The following NPAS3 variants were observed in gnomAD, a reference collection of about 807,000 sequenced individuals.
The protein encoded by NPAS3 is neuronal PAS domain protein 3.
Under a neutral mutation model 73.1 loss-of-function variants are expected in NPAS3, and 14 were observed. The observed-to-expected ratio is 0.19, with a 90% CI of 0.13 to 0.30. NPAS3 has a LOEUF of 0.30. Among genes scored for constraint, NPAS3 ranks in the 10% least tolerant of loss-of-function variants. The probability of loss-of-function intolerance (pLI) is 1.00; values close to 1 mark genes in which losing one functional copy is unlikely to be tolerated. For missense variants in NPAS3, 1,096 were observed against 1,250.0 expected, an observed-to-expected ratio of 0.88 and a Z score of 1.86; for synonymous variants, 620 against 541.5, an observed-to-expected ratio of 1.14 and a Z score of -2.01.
chr14:33,690,081 G>C (rs563849730), intron 6 of NPAS3, among the ~76,000 whole-genome samples: 3 of 152,176 alleles, frequency 2.0e-5, no homozygotes, highest in Non-Finnish European at 4.4e-5. Context: ...CCACAATGTG[G>C]GTTATGTACC....
intron 1 of NPAS3, among the ~76,000 whole-genome samples, chr14:33,027,056 A>G (rs1046222646): frequency 5.9e-5 from 9 of 152,152 alleles, no homozygotes; most frequent in African/African-American, 1.7e-4. Flanking sequence ...TGGTAAGTGT[A>G]TCATTTTCTC....
intron 5 of NPAS3, among the ~76,000 whole-genome samples, chr14:33,609,560 T>A (rs1269014020): frequency 6.6e-6 from 1 of 151,802 alleles, no homozygotes; most frequent in Non-Finnish European, 1.5e-5. Context: ...GGACGTGAAC[T>A]GATGAAAGCA....
At chr14:33,120,208 C>T (rs970380290) in intron 2 of NPAS3, among the ~76,000 whole-genome samples, 3 of 152,140 alleles carry the variant, frequency 2.0e-5, no homozygotes, top group Non-Finnish European at 4.4e-5. Flanking sequence ...ATCCACTCAC[C>T]TTGGCCTCCC....
At chr14:33,252,193 G>C (rs1392879759) in intron 3 of NPAS3, among the ~76,000 whole-genome samples, 1 of 151,824 alleles carries the variant, frequency 6.6e-6, no homozygotes, top group Non-Finnish European at 1.5e-5. Flanking sequence ...GCTCATCCCT[G>C]TGAGGTATAT....
chr14:33,702,368 G>T (rs892200465), intron 6 of NPAS3, among the ~76,000 whole-genome samples: 2 of 152,178 alleles, frequency 1.3e-5, no homozygotes, highest in African/African-American at 4.8e-5. Context: ...GCTTTTGATG[G>T]ATCTCTCCAG....
intron 1 of NPAS3, among the ~76,000 whole-genome samples, chr14:33,050,285 A>C (rs1447066993): frequency 1.3e-5 from 2 of 152,108 alleles, no homozygotes; most frequent in Non-Finnish European, 2.9e-5. Flanking sequence ...TTTAAGCTGG[A>C]ATCTATTTTC....
chr14:33,595,532 G>GAAC (rs34315528), intron 5 of NPAS3, among the ~76,000 whole-genome samples: 1,933 of 152,136 alleles, frequency 0.013, 37 homozygotes, highest in African/African-American at 0.043. Context: ...TTATGACTTA[G>GAAC]AACATATGCA....
At chr14:33,502,173 C>T (rs1270895872) in intron 4 of NPAS3, among the ~76,000 whole-genome samples, 2 of 151,908 alleles carry the variant, frequency 1.3e-5, no homozygotes, top group Non-Finnish European at 2.9e-5. Flanking sequence ...AAGCAAATGG[C>T]AGCTGGGGTT....
At chr14:33,423,523 A>G (rs142152111) in intron 4 of NPAS3, among the ~76,000 whole-genome samples, 1 of 152,096 alleles carries the variant, frequency 6.6e-6, no homozygotes, top group Non-Finnish European at 1.5e-5. Context: ...ACATGTTAAT[A>G]TCCATTTTAT....
chr14:33,083,238 A>G (rs2041921166), intron 2 of NPAS3, among the ~76,000 whole-genome samples: 1 of 135,030 alleles, frequency 7.4e-6, no homozygotes, highest in Non-Finnish European at 1.6e-5. Flanking sequence ...CTTTGCCTCC[A>G]CTCCATGATA....
intron 7 of NPAS3, among the ~76,000 whole-genome samples, chr14:33,746,438 C>T (rs1008664835): frequency 1.3e-5 from 2 of 151,494 alleles, no homozygotes; most frequent in Non-Finnish European, 2.9e-5. Context: ...CCGCCCACCT[C>T]GGCCTCCCAA....
intron 4 of NPAS3, among the ~76,000 whole-genome samples, chr14:33,421,528 A>C (rs2048357637): frequency 6.7e-6 from 1 of 149,128 alleles, no homozygotes; most frequent in East Asian, 2.0e-4. Flanking sequence ...TAATCATAGA[A>C]GCATTTCCCA....
At chr14:33,136,088 T>C (rs1254614380) in intron 2 of NPAS3, among the ~76,000 whole-genome samples, 3 of 139,678 alleles carry the variant, frequency 2.1e-5, no homozygotes, top group African/African-American at 8.1e-5. Flanking sequence ...TGAGACAGAG[T>C]CTCGCTCTGT....
intron 2 of NPAS3, among the ~76,000 whole-genome samples, chr14:33,085,526 T>C (rs2041994650): frequency 6.6e-6 from 1 of 152,204 alleles, no homozygotes; most frequent in African/African-American, 2.4e-5. Flanking sequence ...TCTCTTCTCG[T>C]AGAATGATTC....
chr14:33,572,443 A>G (rs2056253682), intron 5 of NPAS3, among the ~76,000 whole-genome samples: 1 of 152,216 alleles, frequency 6.6e-6, no homozygotes, highest in Non-Finnish European at 1.5e-5. Flanking sequence ...TACTTTAAAT[A>G]CATTAAGGTT....
intron 2 of NPAS3, among the ~76,000 whole-genome samples, chr14:33,079,325 C>CTTTTTTTTTTTTTTTTTTT (rs772885846): frequency 3.0e-5 from 4 of 132,312 alleles, no homozygotes; most frequent in Admixed American, 7.6e-5. Flanking sequence ...TTTCTTTTTC[C>CTTTTTTTTTTTTTTTTTTT]TTTTTTTTTT....
intron 5 of NPAS3, among the ~76,000 whole-genome samples, chr14:33,668,747 A>G (rs2059527805): frequency 6.6e-6 from 1 of 152,192 alleles, no homozygotes; most frequent in African/African-American, 2.4e-5. Flanking sequence ...TGAGCCCAGG[A>G]GGCGGAGGTT....
intron 5 of NPAS3, among the ~76,000 whole-genome samples, chr14:33,578,758 A>C (rs1484782940): frequency 6.6e-6 from 1 of 152,198 alleles, no homozygotes; most frequent in African/African-American, 2.4e-5. Flanking sequence ...CATGACTAGG[A>C]TCAGAGGTCA....
chr14:33,273,526 A>AT (rs971160280), intron 3 of NPAS3, among the ~76,000 whole-genome samples: 10 of 152,122 alleles, frequency 6.6e-5, no homozygotes, highest in East Asian at 1.9e-4. Context: ...GAATTATGTG[A>AT]TTTTTTTAAA....
Sources: gnomAD v4.1 joint callset for allele counts (sites outside exome capture counted in the v4.1 genomes callset) on GRCh38, gnomAD v4.1.1 for gene constraint, MANE v1.5 for transcripts, NCBI Gene and HGNC (gene_info 2026-07-23, HGNC 2026-07-21) for gene names.